Variants in BABAM2 observed in about 807,000 individuals in gnomAD.
BABAM2 encodes the protein BRISC and BRCA1 A complex member 2.
A neutral mutation model predicts 54.7 loss-of-function variants in BABAM2; 31 were observed. That is an observed-to-expected ratio of 0.57 (90% confidence interval 0.43 to 0.77). The LOEUF (loss-of-function observed/expected upper bound fraction) is 0.77, where lower values mean the gene tolerates loss of function less well. BABAM2 is among the 30% of genes least tolerant of loss of function. The pLI is 0.00. For synonymous variants in BABAM2, 167 were observed against 162.9 expected (o/e 1.03, Z -0.19); for missense variants, 364 against 455.8 (o/e 0.80, Z 1.83).
intron 11 of BABAM2, chr2:28,309,949 G>A: frequency 2.1e-6 from 2 of 933,460 alleles, no homozygotes; most frequent in Non-Finnish European, 3.3e-6. Context: ...GTCCCTCCTG[G>A]GCCTTTTCCT....
chr2:28,196,803 C>T (rs1258404883), intron 7 of BABAM2, among the ~76,000 whole-genome samples: 1 of 147,930 alleles, frequency 6.8e-6, no homozygotes, highest in East Asian at 2.0e-4. Flanking sequence ...GCTATGATCA[C>T]ACTCCAGCCT....
intron 2 of BABAM2, among the ~76,000 whole-genome samples, chr2:27,918,895 G>A (rs1029457006): frequency 2.6e-5 from 4 of 151,982 alleles, no homozygotes; most frequent in African/African-American, 4.8e-5. Context: ...TCTCCATGTT[G>A]CCCAGGCTGG....
intron 6 of BABAM2, among the ~76,000 whole-genome samples, chr2:28,080,839 G>A (rs142760239): frequency 8.5e-5 from 13 of 152,246 alleles, no homozygotes; most frequent in Admixed American, 8.5e-4. Context: ...TATCTTCCCT[G>A]GAGATACATT....
chr2:28,043,684 G>A (rs1176924371), intron 5 of BABAM2, among the ~76,000 whole-genome samples: 1 of 152,146 alleles, frequency 6.6e-6, no homozygotes, highest in Non-Finnish European at 1.5e-5. Context: ...ACTTACCAGA[G>A]TATGTTAGTT....
At chr2:28,261,560 G>A (rs529824931) in intron 10 of BABAM2, among the ~76,000 whole-genome samples, 9 of 151,922 alleles carry the variant, frequency 5.9e-5, no homozygotes, top group East Asian at 3.9e-4. Flanking sequence ...GGATGGTGTC[G>A]ATCTCCTGAT....
chr2:28,150,061 G>A (rs1671875941), intron 7 of BABAM2, among the ~76,000 whole-genome samples: 1 of 152,208 alleles, frequency 6.6e-6, no homozygotes, highest in Admixed American at 6.5e-5. Flanking sequence ...GCAGAAGAGA[G>A]AAGGAAACTA....
chr2:28,275,089 G>T (rs1413992706), intron 10 of BABAM2, among the ~76,000 whole-genome samples: 1 of 152,166 alleles, frequency 6.6e-6, no homozygotes, highest in Non-Finnish European at 1.5e-5. Context: ...TTGGAGTCAG[G>T]AAGTAGGCTT....
At chr2:28,008,220 C>G (rs1237866171) in intron 4 of BABAM2, among the ~76,000 whole-genome samples, 1 of 152,116 alleles carries the variant, frequency 6.6e-6, no homozygotes, top group African/African-American at 2.4e-5. Context: ...TTCTTTTCAT[C>G]TTTAATTTTC....
intron 5 of BABAM2, among the ~76,000 whole-genome samples, chr2:28,031,878 A>T (rs1558672104): frequency 1.3e-5 from 2 of 152,328 alleles, no homozygotes; most frequent in South Asian, 4.1e-4. Context: ...GGGGAATAGA[A>T]TTGTAAGCAT....
At chr2:27,991,070 C>T (rs774790691) in intron 4 of BABAM2, among the ~76,000 whole-genome samples, 16 of 152,074 alleles carry the variant, frequency 1.1e-4, no homozygotes, top group Admixed American at 7.2e-4. Context: ...GGTAAACTCT[C>T]ATACAATCAT....
At chr2:28,308,408 G>T in intron 11 of BABAM2, 2 of 518,332 alleles carry the variant, frequency 3.9e-6, no homozygotes, top group South Asian at 2.8e-5. Flanking sequence ...CCCAACCACT[G>T]AGTCAGCCAT....
intron 5 of BABAM2, among the ~76,000 whole-genome samples, chr2:28,028,870 A>C (rs1164601458): frequency 6.6e-6 from 1 of 151,964 alleles, no homozygotes; most frequent in South Asian, 2.1e-4. Context: ...GGGTTCAAGC[A>C]ATTCTCCTCT....
At chr2:28,177,950 A>G (rs1675192427) in intron 7 of BABAM2, among the ~76,000 whole-genome samples, 1 of 152,088 alleles carries the variant, frequency 6.6e-6, no homozygotes, top group East Asian at 1.9e-4. Flanking sequence ...AGAATATTAC[A>G]GTTCTAGACA....
chr2:28,169,502 T>G (rs1040691486), intron 7 of BABAM2, among the ~76,000 whole-genome samples: 1 of 152,000 alleles, frequency 6.6e-6, no homozygotes, highest in African/African-American at 2.4e-5. Flanking sequence ...CCAGGCCAGG[T>G]GGGGTGGCTT....
At chr2:27,937,308 T>C (rs1404875968) in intron 3 of BABAM2, among the ~76,000 whole-genome samples, 1 of 152,186 alleles carries the variant, frequency 6.6e-6, no homozygotes, top group Non-Finnish European at 1.5e-5. Context: ...AATTTTTGTT[T>C]TTAGAGACAG....
intron 11 of BABAM2, among the ~76,000 whole-genome samples, chr2:28,315,857 A>G (rs1415895839): frequency 6.6e-6 from 1 of 152,064 alleles, no homozygotes; most frequent in Non-Finnish European, 1.5e-5. Context: ...TGATATGTAA[A>G]TCATAATAGA....
intron 7 of BABAM2, among the ~76,000 whole-genome samples, chr2:28,177,808 C>T (rs1236120531): frequency 6.6e-6 from 1 of 151,386 alleles, no homozygotes; most frequent in Admixed American, 6.6e-5. Flanking sequence ...AGATATTCCA[C>T]ACAAATGGAA....
intron 10 of BABAM2, among the ~76,000 whole-genome samples, chr2:28,284,047 C>G (rs1479543053): frequency 6.6e-6 from 1 of 152,180 alleles, no homozygotes; most frequent in Non-Finnish European, 1.5e-5. Context: ...ATGTACAAGT[C>G]AGGCAACTCA....
intron 11 of BABAM2, among the ~76,000 whole-genome samples, chr2:28,326,526 G>A (rs1690474561): frequency 6.6e-6 from 1 of 152,134 alleles, no homozygotes; most frequent in Non-Finnish European, 1.5e-5. Flanking sequence ...GCCCAGCCAG[G>A]TGCACCCATC....
Sources: gnomAD v4.1 joint callset for allele counts (sites outside exome capture counted in the v4.1 genomes callset) on GRCh38, gnomAD v4.1.1 for gene constraint, MANE v1.5 for transcripts, NCBI Gene and HGNC (gene_info 2026-07-23, HGNC 2026-07-21) for gene names.